Variants in LSAMP observed in about 807,000 individuals in gnomAD.
LSAMP encodes limbic system-associated membrane protein.
Under a neutral mutation model 38.6 loss-of-function variants are expected in LSAMP, and 7 were observed. The observed-to-expected ratio is 0.18, with a 90% CI of 0.10 to 0.34. The LOEUF is 0.34. LSAMP is among the 10% of genes least tolerant of loss of function. LSAMP has a pLI of 1.00. For synonymous variants in LSAMP, 154 were observed against 166.8 expected (o/e 0.92, Z 0.59); for missense variants, 313 against 420.0 (o/e 0.75, Z 2.23).
chr3:116,061,014 T>C (rs1480022360), intron 2 of LSAMP, among the ~76,000 whole-genome samples: 1 of 152,068 alleles, frequency 6.6e-6, no homozygotes, highest in Non-Finnish European at 1.5e-5. Context: ...GACATGAGAA[T>C]ATCATCCTCA....
chr3:116,263,345 C>G lies in LSAMP; in HGVS notation c.156-176789G>C, dbSNP rs185892955. Among the ~76,000 whole-genome samples the G allele has an allele frequency of 2.7e-4, 41 of 152,102 alleles. No individual in the cohort carries two copies. In the East Asian group the frequency reaches 6.4e-3, roughly 24 times the overall value. ...CTGAGGTTAGGAGTTGGAGACCAGC[C>G]TGGCCAACATGGTGAAACCCCATTT... On this transcript the variant is annotated intron_variant, in intron 1 of 6. Transcript: ENST00000490035.
chr3:116,091,895 G>A (rs1055383514), intron 1 of LSAMP, among the ~76,000 whole-genome samples: 11 of 152,122 alleles, frequency 7.2e-5, no homozygotes, highest in South Asian at 4.1e-4. Flanking sequence ...GGACATGGAC[G>A]TATGCTATAA....
intron 3 of LSAMP, among the ~76,000 whole-genome samples, chr3:115,971,580 TAACA>T (rs1939019272): frequency 6.6e-6 from 1 of 152,180 alleles, no homozygotes; most frequent in South Asian, 2.1e-4. Flanking sequence ...TGAACATTAG[TAACA>T]TGCCAGATAT....
chr3:116,395,327 C>T (rs753496181), intron 1 of LSAMP, among the ~76,000 whole-genome samples: 4 of 152,108 alleles, frequency 2.6e-5, no homozygotes, highest in Non-Finnish European at 4.4e-5. Context: ...CTGAGATGCA[C>T]GGCACACAGC....
chr3:116,199,746 T>C (rs959317929), intron 1 of LSAMP, among the ~76,000 whole-genome samples: 2 of 150,576 alleles, frequency 1.3e-5, no homozygotes, highest in Non-Finnish European at 3.0e-5. Flanking sequence ...ATTAAGCAAA[T>C]AATATTTAAT....
chr3:116,371,450 A>G (rs1398886754), intron 1 of LSAMP, among the ~76,000 whole-genome samples: 1 of 152,150 alleles, frequency 6.6e-6, no homozygotes, highest in Non-Finnish European at 1.5e-5. Flanking sequence ...AAAACACATT[A>G]TCATCCCAAT....
chr3:116,180,204 C>A (rs1249930571), intron 1 of LSAMP, among the ~76,000 whole-genome samples: 1 of 152,066 alleles, frequency 6.6e-6, no homozygotes, highest in Non-Finnish European at 1.5e-5. Context: ...TGAATACAGT[C>A]TCTGCTCTCA....
chr3:115,848,854 TAAGAG>T (rs1935242130), intron 4 of LSAMP, among the ~76,000 whole-genome samples: 1 of 152,196 alleles, frequency 6.6e-6, no homozygotes, highest in Admixed American at 6.5e-5. Flanking sequence ...GAGCAGCTTT[TAAGAG>T]AAATTTCTCC....
At chr3:116,116,019 T>A (rs1014021945) in intron 1 of LSAMP, among the ~76,000 whole-genome samples, 1 of 128,376 alleles carries the variant, frequency 7.8e-6, no homozygotes, top group South Asian at 2.2e-4. Flanking sequence ...TTTCCTCTCA[T>A]TTTTTTTTTC....
chr3:116,009,976 G>T (rs1940278511), intron 3 of LSAMP, among the ~76,000 whole-genome samples: 1 of 152,136 alleles, frequency 6.6e-6, no homozygotes, highest in Non-Finnish European at 1.5e-5. Flanking sequence ...GAGTGCAGTG[G>T]TACAATCTTG....
At chr3:116,207,890 C>T (rs1326781886) in intron 1 of LSAMP, among the ~76,000 whole-genome samples, 2 of 151,338 alleles carry the variant, frequency 1.3e-5, no homozygotes, top group Admixed American at 1.3e-4. Context: ...TGGAGTTGCT[C>T]TTCTCGAGGA....
chr3:115,883,743 C>G (rs948237306), intron 3 of LSAMP, among the ~76,000 whole-genome samples: 7 of 151,794 alleles, frequency 4.6e-5, no homozygotes, highest in African/African-American at 1.2e-4. Context: ...TATTTATACA[C>G]AAATGGTAGG....
intron 1 of LSAMP, among the ~76,000 whole-genome samples, chr3:116,280,789 A>C (rs888709670): frequency 6.6e-6 from 1 of 152,206 alleles, no homozygotes; most frequent in African/African-American, 2.4e-5. Context: ...TAGCCAGTGA[A>C]AGTGGCCATT....
intron 1 of LSAMP, chr3:116,369,901 A>G (rs1308143449): frequency 6.6e-6 from 1 of 152,580 alleles, no homozygotes; most frequent in African/African-American, 2.4e-5. Context: ...AGAAGGCAAA[A>G]ATTGCGAGCC....
chr3:116,040,177 C>G (rs1232509868), intron 2 of LSAMP, among the ~76,000 whole-genome samples: 1 of 152,174 alleles, frequency 6.6e-6, no homozygotes, highest in Non-Finnish European at 1.5e-5. Context: ...GAGGGGAACT[C>G]TCAGGCAAAA....
intron 1 of LSAMP, among the ~76,000 whole-genome samples, chr3:116,166,015 T>G (rs1262472018): frequency 6.6e-6 from 1 of 152,226 alleles, no homozygotes; most frequent in Non-Finnish European, 1.5e-5. Flanking sequence ...GTTCATATGT[T>G]TGTTGCAATA....
At chr3:116,086,616 C>G in intron 1 of LSAMP, 60 bp from the exon 2 acceptor site, 1 of 1,328,864 alleles carries the variant, frequency 7.5e-7, no homozygotes, top group Non-Finnish European at 1.1e-6. Context: ...CGTTTCTTCT[C>G]TAGGTGATCA....
chr3:116,068,725 C>T (rs370436499), intron 2 of LSAMP, among the ~76,000 whole-genome samples: 1 of 152,214 alleles, frequency 6.6e-6, no homozygotes, highest in African/African-American at 2.4e-5. Flanking sequence ...TATATGATTG[C>T]ATCCTCTCCT....
chr3:116,034,927 A>T (rs1941014242), intron 2 of LSAMP, among the ~76,000 whole-genome samples: 1 of 152,214 alleles, frequency 6.6e-6, no homozygotes, highest in Admixed American at 6.5e-5. Flanking sequence ...AAAAGAATGC[A>T]AAACATCTCC....
Sources: gnomAD v4.1 joint callset for allele counts (sites outside exome capture counted in the v4.1 genomes callset) on GRCh38, gnomAD v4.1.1 for gene constraint, MANE v1.5 for transcripts, NCBI Gene and HGNC (gene_info 2026-07-23, HGNC 2026-07-21) for gene names.